The following FIGN variants were observed in gnomAD, a reference collection of about 807,000 sequenced individuals.
FIGN encodes the protein fidgetin.
A neutral mutation model predicts 51.3 loss-of-function variants in FIGN; 11 were observed. The ratio of observed to expected loss-of-function variants is 0.21; its 90% CI spans 0.13 to 0.35. The LOEUF (loss-of-function observed/expected upper bound fraction) is 0.35. Among genes scored for constraint, FIGN ranks in the 10% least tolerant of loss-of-function variants. The pLI is 1.00. For missense variants in FIGN, 857 were observed against 943.6 expected, an observed-to-expected ratio of 0.91 and a Z score of 1.20; for synonymous variants, 407 against 363.2, an observed-to-expected ratio of 1.12 and a Z score of -1.37.
chr2:163,661,397 G>A (rs774505338), intron 2 of FIGN, among the ~76,000 whole-genome samples: 1 of 150,904 alleles, frequency 6.6e-6, no homozygotes, highest in African/African-American at 2.4e-5. Context: ...GCACCATCAC[G>A]CCTAATTTTA....
intron 2 of FIGN, among the ~76,000 whole-genome samples, chr2:163,683,502 G>A (rs776855670): frequency 3.3e-5 from 5 of 152,138 alleles, no homozygotes; most frequent in African/African-American, 4.8e-5. Flanking sequence ...TACAGCAGAG[G>A]GAGAATCTGC....
chr2:163,683,827 C>CATGTTTT (rs1684102607), intron 2 of FIGN, among the ~76,000 whole-genome samples: 1 of 152,102 alleles, frequency 6.6e-6, no homozygotes, highest in Non-Finnish European at 1.5e-5. Context: ...GCCTAGAGAA[C>CATGTTTT]ATGTTTTAAT....
intron 2 of FIGN, among the ~76,000 whole-genome samples, chr2:163,630,580 T>C (rs1322890948): frequency 6.6e-6 from 1 of 150,760 alleles, no homozygotes; most frequent in Non-Finnish European, 1.5e-5. Context: ...GGACAACCTT[T>C]CTATTGCTAT....
intron 2 of FIGN, among the ~76,000 whole-genome samples, chr2:163,663,100 T>C (rs1296584477): frequency 6.6e-6 from 1 of 152,134 alleles, no homozygotes; most frequent in Non-Finnish European, 1.5e-5. Context: ...TGGTATTTTT[T>C]GGTAGAGATG....
At chr2:163,694,487 A>T (rs1684286622) in intron 2 of FIGN, among the ~76,000 whole-genome samples, 1 of 152,180 alleles carries the variant, frequency 6.6e-6, no homozygotes, top group South Asian at 2.1e-4. Context: ...GCAAGCAAGA[A>T]GGAGGGTGTG....
At position 163,611,431 on chromosome 2, in the gene FIGN, C is replaced by T; in HGVS notation, c.401G>A (p.Gly134Glu). 1 of 1,614,138 alleles carries T rather than the reference C, an allele frequency of 6.2e-7. No individual in the cohort carries two copies. The highest frequency in any genetic ancestry group is 1.1e-5 in the South Asian group (1 of 91,088). The change falls in exon 3 of 3, where the codon GGA becomes GAA. Residue 134 changes from glycine (G) to glutamate (E), a missense_variant. Coordinates refer to ENST00000333129, the MANE Select transcript of FIGN (RefSeq NM_018086.4). ...TGCTGGAGGGAGGGCTGAACTGACT[C>T]CAGCTTTGCTGGCAGTGATAACATC... Reference protein sequence around the residue: ...VPDVITASKAGVSSALPPADV... With the variant: ...VPDVITASKAEVSSALPPADV...
At chr2:163,679,439 T>C (rs1158500430) in intron 2 of FIGN, among the ~76,000 whole-genome samples, 2 of 151,236 alleles carry the variant, frequency 1.3e-5, no homozygotes, top group African/African-American at 4.9e-5. Context: ...GAGCTTGCAG[T>C]GAGCAGAGAT....
At chr2:163,623,877 T>A (rs1417847160) in intron 2 of FIGN, among the ~76,000 whole-genome samples, 1 of 152,154 alleles carries the variant, frequency 6.6e-6, no homozygotes, top group Non-Finnish European at 1.5e-5. Context: ...TTTCAAATAA[T>A]ATGCTCTAAA....
chr2:163,605,499 T>C lies in FIGN; in HGVS notation c.*4053A>G, dbSNP rs558728964. The C allele has an allele frequency of 5.9e-5, 9 of 152,224 alleles. No homozygotes were observed. The highest frequency in any genetic ancestry group is 1.3e-4 in the Non-Finnish European group (9 of 67,998). The allele number at this position is 152,224 out of a possible 1,614,324, so 9.4% of individuals were successfully genotyped here. Reference sequence around the variant, plus strand: ...CTTCAAATTGTAACATGATCATGTGTATCTCTGCACATATGAAGAAAGGAA... The same window carrying C: ...CTTCAAATTGTAACATGATCATGTGCATCTCTGCACATATGAAGAAAGGAA... On this transcript the variant is annotated 3_prime_UTR_variant, in exon 3 of 3. Transcript: ENST00000333129.
intron 2 of FIGN, among the ~76,000 whole-genome samples, chr2:163,665,409 C>CTATTAGTAAATTATTAT (rs1388700921): frequency 6.6e-6 from 1 of 152,190 alleles, no homozygotes; most frequent in Non-Finnish European, 1.5e-5. Context: ...TGGATTATTC[C>CTATTAGTAAATTATTAT]TATTTTACTG....
chr2:163,727,361 T>C (rs1309157124), intron 2 of FIGN, among the ~76,000 whole-genome samples: 2 of 148,468 alleles, frequency 1.3e-5, no homozygotes, highest in African/African-American at 4.9e-5. Context: ...ACTAAAATAT[T>C]TCAAGTTTGC....
chr2:163,668,377 A>G (rs1683818844), intron 2 of FIGN, among the ~76,000 whole-genome samples: 1 of 152,170 alleles, frequency 6.6e-6, no homozygotes. Flanking sequence ...CCAAACTAAG[A>G]GAAGAAACTA....
intron 2 of FIGN, among the ~76,000 whole-genome samples, chr2:163,675,736 G>A (rs1346661722): frequency 6.6e-5 from 6 of 91,328 alleles, no homozygotes; most frequent in Non-Finnish European, 1.0e-4. Flanking sequence ...TTTTGTACAA[G>A]CATGTCAGCC....
intron 2 of FIGN, among the ~76,000 whole-genome samples, chr2:163,675,069 T>G (rs976636446): frequency 2.0e-5 from 3 of 152,226 alleles, no homozygotes; most frequent in Non-Finnish European, 4.4e-5. Flanking sequence ...TAGAAAATTA[T>G]GTAATGTACA....
At chr2:163,677,937 A>G (rs1382753631) in intron 2 of FIGN, among the ~76,000 whole-genome samples, 10 of 152,194 alleles carry the variant, frequency 6.6e-5, no homozygotes, top group Non-Finnish European at 1.5e-4. Context: ...TGTGTGGAAG[A>G]GGAGGAAGGA....
intron 2 of FIGN, among the ~76,000 whole-genome samples, chr2:163,713,845 GA>G (rs995098727): frequency 2.0e-5 from 3 of 152,242 alleles, no homozygotes; most frequent in Admixed American, 6.5e-5. Context: ...TTAACACAAA[GA>G]GGGGGGAAAA....
chr2:163,610,747 C>A lies in FIGN; in HGVS notation c.1085G>T (p.Gly362Val). 6.2e-7 allele frequency: 1 copy of A among 1,614,162 alleles called. No individual in the cohort carries two copies. The highest frequency in any genetic ancestry group is 8.5e-7 in the Non-Finnish European group (1 of 1,180,022). ...PDNSISNTNR[G>V]NGFDRSAETS... ...TTCAGCACTTCTGTCAAAGCCATTC[C>A]CCCGATTTGTGTTTGAAATGCTGTT... Residue 362 changes from glycine (G) to valine (V), a missense_variant, in exon 3 of 3, where the codon GGG (glycine) becomes GTG (valine). Gly to Val is a moderately radical substitution (Grantham distance 109, BLOSUM62 -3). Coordinates refer to ENST00000333129, the MANE Select transcript of FIGN (RefSeq NM_018086.4).
At chr2:163,655,834 C>T (rs148951436) in intron 2 of FIGN, among the ~76,000 whole-genome samples, 94 of 147,152 alleles carry the variant, frequency 6.4e-4, no homozygotes, top group Admixed American at 1.4e-3. Context: ...GAGAGCTCTA[C>T]ATTTGCAAAG....
rs969344274 is a variant in FIGN, at chr2:163,609,370, A to G, written c.*182T>C. On this transcript the variant is annotated 3_prime_UTR_variant, in exon 3 of 3. Coordinates refer to ENST00000333129, the MANE Select transcript of FIGN (RefSeq NM_018086.4). ...TGTCATCTGGGGCTTTCAAATCAGAAGCTCTCATTTGATGCACTTTTCCTC... is the reference window on the plus strand; with the variant it reads ...TGTCATCTGGGGCTTTCAAATCAGAGGCTCTCATTTGATGCACTTTTCCTC... 1 of 601,690 alleles carries G rather than the reference A, an allele frequency of 1.7e-6. No individual in the cohort carries two copies. The highest frequency in any genetic ancestry group is 2.9e-6 in the Non-Finnish European group (1 of 346,488). 37.3% of individuals were successfully genotyped at this position (601,690 alleles called of 1,614,324 possible).
Sources: allele counts gnomAD v4.1 joint callset (sites outside exome capture counted in the v4.1 genomes callset), GRCh38; gene constraint gnomAD v4.1.1; transcripts MANE v1.5; gene names NCBI Gene and HGNC (gene_info 2026-07-23, HGNC 2026-07-21).